Variants in ZNF787 observed in about 807,000 individuals in gnomAD.
ZNF787 encodes zinc finger protein 787, also known as TTF-I-interacting peptide 20.
A neutral mutation model predicts 16.9 loss-of-function variants in ZNF787; 7 were observed. That is an observed-to-expected ratio of 0.42 (90% confidence interval 0.24 to 0.78). The LOEUF (loss-of-function observed/expected upper bound fraction) is 0.78, where lower values mean the gene tolerates loss of function less well. Among genes scored for constraint, ZNF787 ranks in the 30% least tolerant of loss-of-function variants. The pLI, the probability that ZNF787 is intolerant of heterozygous loss-of-function variation, is 0.30. For synonymous variants in ZNF787, 345 were observed against 270.9 expected (o/e 1.27, Z -2.69); for missense variants, 551 against 589.3 (o/e 0.94, Z 0.67).
intron 1 of ZNF787, among the ~76,000 whole-genome samples, chr19:56,114,403 AC>A (rs1480877010): frequency 2.2e-3 from 117 of 53,214 alleles, no homozygotes; most frequent in Non-Finnish European, 3.7e-3. Flanking sequence ...TCAGTCCTCC[AC>A]CTGCCCTGGC....
Position 56,087,833 on chromosome 19 carries a change from A to C in ZNF787, c.*190T>G, listed in dbSNP as rs1985349799. 1.1e-6 allele frequency: 1 copy of C among 908,946 alleles called. No homozygotes were observed. Among genetic ancestry groups the C allele is most frequent in the Non-Finnish European group, 1.4e-6 (1 of 696,056 alleles). The allele number at this position is 908,946 out of a possible 1,614,324, so 56.3% of individuals were successfully genotyped here. A position where few individuals can be genotyped will look rare whatever the true frequency, so the allele number is the denominator to read the frequency against. On this transcript the variant is annotated 3_prime_UTR_variant, in exon 3 of 3. Transcript: ENST00000610935. ...GAGGGGGCAGAGTCTCGAGGCGGAGAAGTGAACGGGCCCTAATACGCCCCA... is the reference window on the plus strand; with the variant it reads ...GAGGGGGCAGAGTCTCGAGGCGGAGCAGTGAACGGGCCCTAATACGCCCCA...
chr19:56,096,534 GAAACCCCGTTTCTACT>G (rs879671596), intron 2 of ZNF787, among the ~76,000 whole-genome samples: 1 of 151,692 alleles, frequency 6.6e-6, no homozygotes, highest in Admixed American at 6.6e-5. Flanking sequence ...CCAACATGGT[GAAACCCCGTTTCTACT>G]AAAACTACAA....
chr19:56,120,496 C>T (rs1366676165), intron 1 of ZNF787, among the ~76,000 whole-genome samples: 1 of 152,210 alleles, frequency 6.6e-6, no homozygotes, highest in Non-Finnish European at 1.5e-5. Context: ...GGACGCGCTT[C>T]CTCCCCGCCT....
chr19:56,094,844 C>T (rs1366713271), intron 2 of ZNF787, among the ~76,000 whole-genome samples: 1 of 152,116 alleles, frequency 6.6e-6, no homozygotes, highest in Non-Finnish European at 1.5e-5. Flanking sequence ...GGCTCAGTGG[C>T]TCACACCTGT....
chr19:56,115,084 CG>C (rs1249111211), intron 1 of ZNF787, among the ~76,000 whole-genome samples: 1 of 152,092 alleles, frequency 6.6e-6, no homozygotes, highest in African/African-American at 2.4e-5. Context: ...TCCTCAGCCC[CG>C]GGACATCTCT....
rs1363281542 is a variant in ZNF787 at position 56,087,828 on chromosome 19, CGGA to C, written c.*192_*194del. The C allele has an allele frequency of 1.1e-5, 10 of 879,406 alleles. No individual in the cohort carries two copies. The highest frequency in any genetic ancestry group is 4.5e-5 in the Admixed American group (1 of 22,028). The allele number at this position is 879,406 out of a possible 1,614,324, so 54.5% of individuals were successfully genotyped here. A position where few individuals can be genotyped will look rare whatever the true frequency, so the allele number is the denominator to read the frequency against. ...AGGCTGAGGGGGCAGAGTCTCGAGG[CGGA>C]GAAGTGAACGGGCCCTAATACGCCC... On this transcript the variant is annotated 3_prime_UTR_variant, in exon 3 of 3. Coordinates refer to ENST00000610935, the MANE Select transcript of ZNF787 (RefSeq NM_001002836.4).
chr19:56,103,640 AC>A (rs1239950460), intron 1 of ZNF787, among the ~76,000 whole-genome samples: 1 of 152,188 alleles, frequency 6.6e-6, no homozygotes, highest in Non-Finnish European at 1.5e-5. Flanking sequence ...CCAAACAGGG[AC>A]TGGAGTTCCC....
chr19:56,104,692 A>T (rs1986234924), intron 1 of ZNF787, among the ~76,000 whole-genome samples: 1 of 151,978 alleles, frequency 6.6e-6, no homozygotes, highest in South Asian at 2.1e-4. Context: ...ACGCACACCA[A>T]CACCAACCTG....
chr19:56,104,620 A>C (rs517582), intron 1 of ZNF787, among the ~76,000 whole-genome samples: 141,781 of 151,922 alleles, frequency 0.93, 66,751 homozygotes, highest in Non-Finnish European at 0.99. Flanking sequence ...ACACCACCAA[A>C]CCGTGCCATG....
intron 2 of ZNF787, among the ~76,000 whole-genome samples, chr19:56,097,557 C>T (rs1985918123): frequency 1.3e-5 from 2 of 152,202 alleles, no homozygotes; most frequent in African/African-American, 4.8e-5. Flanking sequence ...GTAAATGAAA[C>T]GGAATGGAGG....
At chr19:56,104,664 G>T (rs893834485) in intron 1 of ZNF787, among the ~76,000 whole-genome samples, 1 of 152,040 alleles carries the variant, frequency 6.6e-6, no homozygotes, top group Non-Finnish European at 1.5e-5. Context: ...CCACCAACCC[G>T]TGACTGTGAA....
Position 56,087,794 on chromosome 19 carries a change from G to T in ZNF787, c.*229C>A. 1 of 627,058 alleles carries T rather than the reference G, an allele frequency of 1.6e-6. No homozygotes were observed. The highest frequency in any genetic ancestry group is 2.2e-6 in the Non-Finnish European group (1 of 446,608). The allele number at this position is 627,058 out of a possible 1,614,324, so 38.8% of individuals were successfully genotyped here. A position where few individuals can be genotyped will look rare whatever the true frequency, so the allele number is the denominator to read the frequency against. Reference sequence around the variant, plus strand: ...GGCTCGCAGGCCGATAACTTAGGAAGGGCGGGCCAGGCTGAGGGGGCAGAG... The same window carrying T: ...GGCTCGCAGGCCGATAACTTAGGAATGGCGGGCCAGGCTGAGGGGGCAGAG... On this transcript the variant is annotated 3_prime_UTR_variant, in exon 3 of 3. Coordinates refer to ENST00000610935, the MANE Select transcript of ZNF787 (RefSeq NM_001002836.4).
At chr19:56,115,350 G>A (rs1005219034) in intron 1 of ZNF787, among the ~76,000 whole-genome samples, 1 of 146,038 alleles carries the variant, frequency 6.8e-6, no homozygotes, top group Admixed American at 6.8e-5. Context: ...CGTTGATTTC[G>A]CTGCTTTTTT....
intron 1 of ZNF787, among the ~76,000 whole-genome samples, chr19:56,113,324 G>A (rs2123427446): frequency 6.6e-6 from 1 of 152,248 alleles, no homozygotes; most frequent in South Asian, 2.1e-4. Flanking sequence ...TTCCTCAAAA[G>A]GTTAAGCCCA....
At chr19:56,092,304 TACC>T (rs906275273) in intron 2 of ZNF787, among the ~76,000 whole-genome samples, 1 of 152,208 alleles carries the variant, frequency 6.6e-6, no homozygotes, top group Non-Finnish European at 1.5e-5. Flanking sequence ...TTCCGTGGAT[TACC>T]ACATTTAATC....
chr19:56,088,935 G>C lies in ZNF787; in HGVS notation c.237C>G (p.Ser79=), dbSNP rs975332197. The C allele has an allele frequency of 1.3e-6, 2 of 1,582,716 alleles. No homozygotes were observed. Among genetic ancestry groups the C allele is most frequent in the Middle Eastern group, 1.7e-4 (1 of 5,926 alleles). Reference sequence around the variant, plus strand: ...GCGTGCGCTGGTGCCGCGTCAGCTTGGACCAGTGGCTAAAGCTCTTGCCAC... The same window carrying C: ...GCGTGCGCTGGTGCCGCGTCAGCTTCGACCAGTGGCTAAAGCTCTTGCCAC... The part of the protein sequence containing the change: ...NECGKSFSHW[S]KLTRHQRTHT... Residue 79 remains serine, a synonymous_variant, in exon 3 of 3, where the codon TCC becomes TCG. Transcript: ENST00000610935. This position sits in a 1 kb window ranked among gnomAD's most constrained non-coding sequence, Gnocchi z 8.6.
intron 1 of ZNF787, among the ~76,000 whole-genome samples, chr19:56,109,135 C>A (rs1278991407): frequency 1.3e-5 from 2 of 152,160 alleles, no homozygotes; most frequent in African/African-American, 4.8e-5. Flanking sequence ...TTCTTATGTT[C>A]ATTTTCCTAA....
chr19:56,087,873 A>C lies in ZNF787; in HGVS notation c.*150T>G, dbSNP rs1197709713. ...AATACGCCCCAGTGCCCCCCCACGG[A>C]CGGCGCAGGGACAGAGGAGGGCGGG... On this transcript the variant is annotated 3_prime_UTR_variant, in exon 3 of 3. Coordinates refer to ENST00000610935, the MANE Select transcript of ZNF787 (RefSeq NM_001002836.4). 8.3e-6 allele frequency: 10 copies of C among 1,200,116 alleles called. No individual in the cohort carries two copies. Among genetic ancestry groups the C allele is most frequent in the Non-Finnish European group, 1.1e-5 (10 of 951,720 alleles). The allele number at this position is 1,200,116 out of a possible 1,614,324, so 74.3% of individuals were successfully genotyped here. A position where few individuals can be genotyped will look rare whatever the true frequency, so the allele number is the denominator to read the frequency against.
chr19:56,115,354 CTTTT>C (rs543989293), intron 1 of ZNF787, among the ~76,000 whole-genome samples: 5 of 113,164 alleles, frequency 4.4e-5, no homozygotes, highest in African/African-American at 1.5e-4. Context: ...GATTTCGCTG[CTTTT>C]TTTTTTTTTT....
Sources: gnomAD v4.1 joint callset for allele counts (sites outside exome capture counted in the v4.1 genomes callset) on GRCh38, gnomAD v4.1.1 for gene constraint, Gnocchi (gnomAD v3.1) non-coding constraint, MANE v1.5 for transcripts, NCBI Gene and HGNC (gene_info 2026-07-23, HGNC 2026-07-21) for gene names.